The following KCNJ6 variants were observed in gnomAD, a reference collection of about 807,000 sequenced individuals.
KCNJ6 encodes the protein G protein-activated inward rectifier potassium channel 2.
KCNJ6 carries 9 observed loss-of-function variants against 34.2 expected under a neutral mutation model. The observed-to-expected ratio is 0.26, with a 90% confidence interval of 0.16 to 0.46. The LOEUF is 0.46. Ranked by LOEUF, KCNJ6 falls within the 20% of genes least tolerant of loss-of-function variation. The probability of loss-of-function intolerance (pLI) is 1.00; values close to 1 mark genes in which losing one functional copy is unlikely to be tolerated. For synonymous variants in KCNJ6, 196 were observed against 207.1 expected (o/e 0.95, Z 0.46); for missense variants, 236 against 531.3 (o/e 0.44, Z 5.46).
intron 1 of KCNJ6, among the ~76,000 whole-genome samples, chr21:37,900,390 C>T (rs1010580883): frequency 8.5e-5 from 13 of 152,170 alleles, no homozygotes; most frequent in East Asian, 3.8e-4. Context: ...TTGACCATAT[C>T]GAGTACCTAC....
At chr21:37,880,786 T>G (rs1324530118) in intron 1 of KCNJ6, among the ~76,000 whole-genome samples, 1 of 152,376 alleles carries the variant, frequency 6.6e-6, no homozygotes, top group East Asian at 1.9e-4. Context: ...CCAAGCTGGC[T>G]TGACATCAGA....
intron 2 of KCNJ6, among the ~76,000 whole-genome samples, chr21:37,749,331 T>G (rs2054983006): frequency 1.3e-5 from 2 of 152,020 alleles, no homozygotes; most frequent in Admixed American, 1.3e-4. Context: ...CATAGGTGAG[T>G]AGAGAATAAA....
At chr21:37,648,902 C>T (rs753739923) in intron 3 of KCNJ6, among the ~76,000 whole-genome samples, 31 of 151,904 alleles carry the variant, frequency 2.0e-4, no homozygotes, top group Non-Finnish European at 4.0e-4. Context: ...GAGGCTAAGG[C>T]GGGCAGATCA....
chr21:37,718,137 A>T (rs1304372312), intron 2 of KCNJ6, among the ~76,000 whole-genome samples: 4 of 152,112 alleles, frequency 2.6e-5, no homozygotes, highest in African/African-American at 9.7e-5. Flanking sequence ...TCTGGAGTTG[A>T]GTGTGTCTTC....
chr21:37,769,200 T>G (rs542245454), intron 2 of KCNJ6, among the ~76,000 whole-genome samples: 2 of 152,214 alleles, frequency 1.3e-5, no homozygotes, highest in South Asian at 4.2e-4. Flanking sequence ...CCCTAAGAGC[T>G]TACGTGATGT....
chr21:37,772,326 A>G (rs1003872487), intron 2 of KCNJ6, among the ~76,000 whole-genome samples: 13 of 152,156 alleles, frequency 8.5e-5, no homozygotes, highest in African/African-American at 3.1e-4. Flanking sequence ...AAAATCTTCT[A>G]GTTTGCTTAT....
chr21:37,700,286 A>G (rs1447634530), intron 3 of KCNJ6, among the ~76,000 whole-genome samples: 1 of 152,122 alleles, frequency 6.6e-6, no homozygotes, highest in Non-Finnish European at 1.5e-5. Flanking sequence ...AGTTATTGGA[A>G]AGGTAATGGA....
At chr21:37,815,360 CA>C (rs1326004306) in intron 2 of KCNJ6, among the ~76,000 whole-genome samples, 2 of 152,178 alleles carry the variant, frequency 1.3e-5, no homozygotes, top group African/African-American at 4.8e-5. Flanking sequence ...ATGCCTGTGT[CA>C]AAACATCTCA....
chr21:37,866,591 A>G (rs1285005539), intron 1 of KCNJ6, among the ~76,000 whole-genome samples: 1 of 152,062 alleles, frequency 6.6e-6, no homozygotes, highest in Non-Finnish European at 1.5e-5. Context: ...CCAGCTGGAC[A>G]TTGGTCCCTG....
chr21:37,817,395 C>G (rs1257071740), intron 2 of KCNJ6, among the ~76,000 whole-genome samples: 1 of 152,104 alleles, frequency 6.6e-6, no homozygotes, highest in African/African-American at 2.4e-5. Flanking sequence ...GTTAGAAAGG[C>G]CCCTGATGCA....
intron 2 of KCNJ6, among the ~76,000 whole-genome samples, chr21:37,817,298 C>T (rs956523360): frequency 6.6e-6 from 1 of 152,192 alleles, no homozygotes; most frequent in African/African-American, 2.4e-5. Context: ...GAACAAGTTT[C>T]TTAACCTCTC....
chr21:37,759,363 T>A (rs1490668336), intron 2 of KCNJ6, among the ~76,000 whole-genome samples: 1 of 152,178 alleles, frequency 6.6e-6, no homozygotes, highest in East Asian at 1.9e-4. Flanking sequence ...GTTTGAGGGC[T>A]TGGTCATACA....
chr21:37,688,355 C>T (rs1166625552), intron 3 of KCNJ6, among the ~76,000 whole-genome samples: 1 of 144,348 alleles, frequency 6.9e-6, no homozygotes, highest in Non-Finnish European at 1.5e-5. Flanking sequence ...AGAGATACAC[C>T]CGTATTTTAA....
intron 2 of KCNJ6, among the ~76,000 whole-genome samples, chr21:37,834,533 G>A (rs1347248796): frequency 6.6e-6 from 1 of 152,210 alleles, no homozygotes; most frequent in East Asian, 1.9e-4. Flanking sequence ...CCCAAATGTT[G>A]CGCCTGGTGC....
At chr21:37,797,783 A>C (rs1042611981) in intron 2 of KCNJ6, among the ~76,000 whole-genome samples, 8 of 152,184 alleles carry the variant, frequency 5.3e-5, no homozygotes, top group Non-Finnish European at 1.0e-4. Flanking sequence ...CCACGTTTGC[A>C]CCTGGTTGAG....
chr21:37,866,065 A>C (rs1422644385), intron 1 of KCNJ6, among the ~76,000 whole-genome samples: 1 of 152,194 alleles, frequency 6.6e-6, no homozygotes, highest in Non-Finnish European at 1.5e-5. Context: ...GTTGACTTTA[A>C]ATTAAGGGGA....
At chr21:37,787,379 C>T (rs894730564) in intron 2 of KCNJ6, among the ~76,000 whole-genome samples, 7 of 152,166 alleles carry the variant, frequency 4.6e-5, no homozygotes, top group Admixed American at 2.6e-4. Flanking sequence ...TGCCCCATGA[C>T]ACCTTTTGGG....
intron 1 of KCNJ6, among the ~76,000 whole-genome samples, chr21:37,899,513 T>C (rs1380415413): frequency 2.0e-5 from 3 of 152,204 alleles, no homozygotes; most frequent in African/African-American, 7.2e-5. Flanking sequence ...AAGAAGCTAA[T>C]ACACTACCAC....
At chr21:37,631,225 C>T (rs144614370) in intron 3 of KCNJ6, among the ~76,000 whole-genome samples, 1 of 152,200 alleles carries the variant, frequency 6.6e-6, no homozygotes, top group African/African-American at 2.4e-5. Context: ...GAGAACCATA[C>T]AGAAACAGCT....
Sources: gnomAD v4.1 joint callset for allele counts (sites outside exome capture counted in the v4.1 genomes callset) on GRCh38, gnomAD v4.1.1 for gene constraint, MANE v1.5 for transcripts, NCBI Gene and HGNC (gene_info 2026-07-23, HGNC 2026-07-21) for gene names.